Variants in USP45 observed in about 807,000 individuals in gnomAD.
USP45 encodes the protein ubiquitin carboxyl-terminal hydrolase 45.
In USP45, 89 loss-of-function variants were observed where a neutral mutation model predicts 95.8. The observed-to-expected ratio is 0.93, with a 90% CI of 0.78 to 1.11. The LOEUF (loss-of-function observed/expected upper bound fraction) is 1.11, where lower values mean the gene tolerates loss of function less well. Ranked by LOEUF, USP45 falls within the 50% of genes least tolerant of loss-of-function variation. The pLI, the probability that USP45 is intolerant of heterozygous loss-of-function variation, is 0.00. For synonymous variants in USP45, 281 were observed against 316.2 expected (o/e 0.89, Z 1.18); for missense variants, 898 against 942.5 (o/e 0.95, Z 0.62).
intron 5 of USP45, among the ~76,000 whole-genome samples, chr6:99,492,128 A>G (rs1795308356): frequency 6.6e-6 from 1 of 152,242 alleles, no homozygotes; most frequent in Non-Finnish European, 1.5e-5. Flanking sequence ...CCCAAAGTAA[A>G]CAATGTTCAT....
intron 8 of USP45, among the ~76,000 whole-genome samples, chr6:99,479,868 A>G (rs1791929288): frequency 6.6e-6 from 1 of 152,156 alleles, no homozygotes; most frequent in Non-Finnish European, 1.5e-5. Flanking sequence ...TTTTTTTTCC[A>G]AGAAGAGTCC....
intron 13 of USP45, chr6:99,461,543 A>G: frequency 4.1e-6 from 4 of 985,406 alleles, no homozygotes; most frequent in Non-Finnish European, 4.8e-6. Flanking sequence ...TAAGCAAAAG[A>G]AAATGCACTT....
intron 5 of USP45, chr6:99,501,957 G>A (rs1276257271): frequency 7.7e-7 from 1 of 1,302,492 alleles, no homozygotes; most frequent in Admixed American, 2.3e-5. Context: ...CTGACTCACT[G>A]TGGGCCCCTA....
intron 13 of USP45, among the ~76,000 whole-genome samples, chr6:99,453,833 A>C (rs1296131104): frequency 6.6e-6 from 1 of 152,024 alleles, no homozygotes; most frequent in Non-Finnish European, 1.5e-5. Context: ...GGTAGCAGGC[A>C]CCTGTAATCC....
At chr6:99,502,847 T>C (rs1562441608) in intron 5 of USP45, among the ~76,000 whole-genome samples, 1 of 152,196 alleles carries the variant, frequency 6.6e-6, no homozygotes, top group Non-Finnish European at 1.5e-5. Context: ...TTCCTCCTGT[T>C]CCACCATGTA....
intron 16 of USP45, among the ~76,000 whole-genome samples, chr6:99,438,086 T>C (rs568479012): frequency 5.9e-5 from 9 of 152,348 alleles, no homozygotes; most frequent in Non-Finnish European, 1.0e-4. Flanking sequence ...ACCACACTAT[T>C]AATTGCAGGA....
intron 13 of USP45, among the ~76,000 whole-genome samples, chr6:99,452,018 C>G (rs1189709172): frequency 6.6e-6 from 1 of 152,114 alleles, no homozygotes; most frequent in Non-Finnish European, 1.5e-5. Context: ...ACACCTTATA[C>G]AAAAATTAAT....
intron 11 of USP45, 140 bp downstream of exon 11, chr6:99,466,531 TA>T (rs531246658): frequency 1.5e-6 from 1 of 667,792 alleles, no homozygotes; most frequent in Non-Finnish European, 2.6e-6. Context: ...GTGTAGCGTA[TA>T]AAAAGACTTT....
At chr6:99,509,241 C>A (rs1799223527) in intron 2 of USP45, among the ~76,000 whole-genome samples, 1 of 152,122 alleles carries the variant, frequency 6.6e-6, no homozygotes, top group Non-Finnish European at 1.5e-5. Context: ...ATTTTAGATT[C>A]ACAGGAAGGT....
At chr6:99,513,378 C>T (rs759810539) in intron 1 of USP45, among the ~76,000 whole-genome samples, 9 of 152,196 alleles carry the variant, frequency 5.9e-5, no homozygotes, top group Admixed American at 2.0e-4. Context: ...TTACCAAAAA[C>T]TGATCTAGTC....
At chr6:99,507,632 T>A (rs930804078) in intron 3 of USP45, 101 bp from the exon 4 acceptor site, 1 of 768,772 alleles carries the variant, frequency 1.3e-6, no homozygotes, top group African/African-American at 1.8e-5. Context: ...AAGTTTTGTT[T>A]TTAATTTCAG....
At chr6:99,455,226 G>A (rs898403722) in intron 13 of USP45, among the ~76,000 whole-genome samples, 19 of 150,684 alleles carry the variant, frequency 1.3e-4, no homozygotes, top group African/African-American at 3.9e-4. Context: ...TAGATCACTT[G>A]AGGTCAGGAG....
At chr6:99,460,250 C>A (rs1786097041) in intron 13 of USP45, among the ~76,000 whole-genome samples, 1 of 152,052 alleles carries the variant, frequency 6.6e-6, no homozygotes, top group East Asian at 1.9e-4. Flanking sequence ...AGTACTTGTA[C>A]CTCTATTATT....
intron 1 of USP45, chr6:99,514,981 C>T (rs1272120592): frequency 6.6e-6 from 1 of 152,222 alleles, no homozygotes; most frequent in East Asian, 1.9e-4. Context: ...GCAGTCCGGC[C>T]CCGGAGCTCC....
chr6:99,510,241 T>G lies in USP45; in HGVS notation c.-10-11A>C. Reference sequence around the variant, plus strand: ...CGCATCTGTTATTTACTGAAGGGATTGAGGGAAAAAAATTCATACATTTTA... The same window carrying G: ...CGCATCTGTTATTTACTGAAGGGATGGAGGGAAAAAAATTCATACATTTTA... On this transcript the variant is annotated splice_polypyrimidine_tract_variant and intron_variant, in intron 1 of 17. Transcript: ENST00000500704. 1 of 1,585,250 alleles carries G rather than the reference T, an allele frequency of 6.3e-7. No homozygotes were observed. The highest frequency in any genetic ancestry group is 8.6e-7 in the Non-Finnish European group (1 of 1,163,894).
chr6:99,512,280 C>G (rs1049251764), intron 1 of USP45, among the ~76,000 whole-genome samples: 1 of 152,198 alleles, frequency 6.6e-6, no homozygotes, highest in African/African-American at 2.4e-5. Context: ...TGCAACAAGT[C>G]TGGCACAAGA....
At chr6:99,478,782 A>G (rs1488472058) in intron 8 of USP45, among the ~76,000 whole-genome samples, 1 of 152,170 alleles carries the variant, frequency 6.6e-6, no homozygotes, top group Non-Finnish European at 1.5e-5. Context: ...TAAAACAAAC[A>G]AAAACCACAA....
At chr6:99,478,721 C>A (rs1053299788) in intron 8 of USP45, among the ~76,000 whole-genome samples, 2 of 152,100 alleles carry the variant, frequency 1.3e-5, no homozygotes, top group Non-Finnish European at 2.9e-5. Context: ...AACATGGAAG[C>A]AGCTGAAAGC....
intron 5 of USP45, among the ~76,000 whole-genome samples, chr6:99,490,223 G>A (rs762576202): frequency 6.6e-6 from 1 of 151,950 alleles, no homozygotes; most frequent in Admixed American, 6.6e-5. Context: ...AAGTGCAGTG[G>A]TGCAATCTCA....
Sources: gnomAD v4.1 joint callset for allele counts (sites outside exome capture counted in the v4.1 genomes callset) on GRCh38, gnomAD v4.1.1 for gene constraint, MANE v1.5 for transcripts, NCBI Gene and HGNC (gene_info 2026-07-23, HGNC 2026-07-21) for gene names.